CAMK2G: variants seen among roughly 807,000 people sequenced by gnomAD.
CAMK2G encodes the protein calcium/calmodulin-dependent protein kinase type II subunit gamma.
Under a neutral mutation model 88.7 loss-of-function variants are expected in CAMK2G, and 23 were observed. The ratio of observed to expected loss-of-function variants is 0.26; its 90% CI spans 0.19 to 0.37. CAMK2G has a LOEUF of 0.37. Among genes scored for constraint, CAMK2G ranks in the 10% least tolerant of loss-of-function variants. The pLI is 1.00. For synonymous variants in CAMK2G, 263 were observed against 294.8 expected, an observed-to-expected ratio of 0.89 and a Z score of 1.11; for missense variants, 476 against 780.8, an observed-to-expected ratio of 0.61 and a Z score of 4.65.
At chr10:73,845,399 G>A (rs1034066199) in intron 10 of CAMK2G, among the ~76,000 whole-genome samples, 7 of 151,932 alleles carry the variant, frequency 4.6e-5, no homozygotes, top group South Asian at 2.1e-4. Flanking sequence ...TGACTAACAC[G>A]GTGAAACCCC....
In CAMK2G at chr10:73,839,659, A is replaced by G; in HGVS notation, c.947-58T>C. The G allele has an allele frequency of 9.4e-7, 1 of 1,060,906 alleles. No homozygotes were observed. Among genetic ancestry groups the G allele is most frequent in the East Asian group, 3.3e-5 (1 of 30,754 alleles). 65.7% of individuals were successfully genotyped at this position (1,060,906 alleles called of 1,614,324 possible). On this transcript the variant is annotated intron_variant, in intron 12 of 22. Transcript: ENST00000423381. The surrounding 1 kb of genome is among the most constrained non-coding windows in gnomAD (Gnocchi z 4.2). ...CCCGCAAAGCCACGGGGCCGTCAGC[A>G]GCGAGCATGCCCCAGCGCGAGGCGC...
chr10:73,873,644 A>T, intron 1 of CAMK2G: 1 of 441,534 alleles, frequency 2.3e-6, no homozygotes, highest in African/African-American at 2.2e-5. Context: ...ACAGTCAGAC[A>T]TCAAGAACTC....
intron 15 of CAMK2G, among the ~76,000 whole-genome samples, chr10:73,825,762 C>T (rs1356654305): frequency 6.6e-6 from 1 of 152,248 alleles, no homozygotes; most frequent in Non-Finnish European, 1.5e-5. Flanking sequence ...CAGTCTCCTG[C>T]TGCACTTTCA....
chr10:73,874,471 C>A lies in CAMK2G; in HGVS notation c.-10G>T. 6.8e-7 allele frequency: 1 copy of A among 1,478,712 alleles called. No homozygotes were observed. The allele number at this position is 1,478,712 out of a possible 1,614,324, so 91.6% of individuals were successfully genotyped here. A position where few individuals can be genotyped will look rare whatever the true frequency, so the allele number is the denominator to read the frequency against. ...TGGCGGTGGTGGCCATGCTGGCGGGCGGGCGGACGCGGCGGTGCAGCCCGC... is the reference window on the plus strand; with the variant it reads ...TGGCGGTGGTGGCCATGCTGGCGGGAGGGCGGACGCGGCGGTGCAGCCCGC... On this transcript the variant is annotated 5_prime_UTR_variant, in exon 1 of 23. Coordinates refer to ENST00000423381, the MANE Select transcript of CAMK2G (RefSeq NM_001367534.1).
intron 17 of CAMK2G, among the ~76,000 whole-genome samples, chr10:73,823,795 A>G (rs2089985218): frequency 6.6e-6 from 1 of 152,168 alleles, no homozygotes; most frequent in Non-Finnish European, 1.5e-5. Flanking sequence ...ATCATCCCCA[A>G]TTTGCAGATA....
At chr10:73,864,308 A>C (rs1225846270) in intron 2 of CAMK2G, among the ~76,000 whole-genome samples, 2 of 152,172 alleles carry the variant, frequency 1.3e-5, no homozygotes, top group East Asian at 3.9e-4. Flanking sequence ...AAAAAAAAAG[A>C]AATATTTACT....
rs1202336929 is a variant in CAMK2G, at chr10:73,848,917, A to G, written c.517+96T>C. 13 of 842,934 alleles carry G rather than the reference A, an allele frequency of 1.5e-5. No individual in the cohort carries two copies. The highest frequency in any genetic ancestry group is 2.5e-5 in the Non-Finnish European group (12 of 479,174). 52.2% of individuals were successfully genotyped at this position (842,934 alleles called of 1,614,324 possible). ...AAGAGAGATCTCGGAGGCCAGGACC[A>G]TTAAGGGTCTGGCTTCTAGTTCTAA... On this transcript the variant is annotated intron_variant, in intron 7 of 22. Transcript: ENST00000423381. This position sits in a 1 kb window ranked among gnomAD's most constrained non-coding sequence, Gnocchi z 4.5.
chr10:73,836,025 A>C (rs2093171435), intron 14 of CAMK2G, among the ~76,000 whole-genome samples: 1 of 151,862 alleles, frequency 6.6e-6, no homozygotes, highest in Admixed American at 6.6e-5. Context: ...GTAGAGACGG[A>C]GTTTCACCAG....
chr10:73,855,944 CTT>C (rs567727436), intron 3 of CAMK2G, among the ~76,000 whole-genome samples: 1 of 147,208 alleles, frequency 6.8e-6, no homozygotes, highest in African/African-American at 2.5e-5. Flanking sequence ...TTCATTATTT[CTT>C]TTTTTTTTTA....
chr10:73,873,727 G>A (rs968375750), intron 1 of CAMK2G, among the ~76,000 whole-genome samples: 1 of 135,792 alleles, frequency 7.4e-6, no homozygotes, highest in African/African-American at 2.7e-5. Flanking sequence ...AAACGTCTGG[G>A]GGGGCGGGCG....
At chr10:73,868,422 C>T (rs1260440178) in intron 2 of CAMK2G, among the ~76,000 whole-genome samples, 2 of 152,170 alleles carry the variant, frequency 1.3e-5, no homozygotes, top group African/African-American at 4.8e-5. Context: ...CACAGCTCAA[C>T]GTGACCGCGT....
chr10:73,853,539 G>A (rs1166031571), intron 3 of CAMK2G, among the ~76,000 whole-genome samples: 3 of 152,234 alleles, frequency 2.0e-5, no homozygotes, highest in South Asian at 2.1e-4. Context: ...GCTGGTCTCC[G>A]AGAAGGTGGT....
At chr10:73,849,136 A>AC (rs1486179079) in intron 6 of CAMK2G, 21 bp from the exon 7 acceptor site, 2 of 1,604,934 alleles carry the variant, frequency 1.2e-6, no homozygotes, top group Admixed American at 1.7e-5. Flanking sequence ...AACACAGAGA[A>AC]CCTTGTGAGC....
chr10:73,829,617 A>G (rs1268076847), intron 14 of CAMK2G, among the ~76,000 whole-genome samples: 2 of 151,908 alleles, frequency 1.3e-5, no homozygotes, highest in Non-Finnish European at 2.9e-5. Context: ...GGCCTTTTAA[A>G]TATGCTCAAA....
At chr10:73,825,547 G>A (rs2090637198) in intron 15 of CAMK2G, among the ~76,000 whole-genome samples, 200 bp from the exon 16 acceptor site, 1 of 152,076 alleles carries the variant, frequency 6.6e-6, no homozygotes, top group African/African-American at 2.4e-5. Context: ...CTAGCTCTGG[G>A]GGCACCCTCA....
At position 73,837,521 on chromosome 10, in the gene CAMK2G, C is replaced by G. The variant is rs1304502773; in HGVS notation, c.1010-10G>C. 4.3e-6 allele frequency: 7 copies of G among 1,612,210 alleles called. No homozygotes were observed. Among genetic ancestry groups the G allele is most frequent in the African/African-American group, 1.3e-5 (1 of 74,992 alleles). ...AATAGGCTTTTGGCAGCTGTGAAAA[C>G]AAAGAGGAATATCAAGTCTCCTGCA... On this transcript the variant is annotated splice_polypyrimidine_tract_variant and intron_variant, in intron 13 of 22. Transcript: ENST00000423381.
chr10:73,854,085 C>A lies in CAMK2G; in HGVS notation c.221-839G>T, dbSNP rs565834719. 3.3e-5 allele frequency among the ~76,000 whole-genome samples: 5 copies of A among 152,290 alleles called. No homozygotes were observed. In the East Asian group the frequency reaches 9.7e-4, roughly 29 times the overall value. On this transcript the variant is annotated intron_variant, in intron 3 of 22. Coordinates refer to ENST00000423381, the MANE Select transcript of CAMK2G (RefSeq NM_001367534.1). Reference sequence around the variant, plus strand: ...GGGTCAAGATGTGAATCCAGTGCTACCTGACTCCAAAGACTGTGGTCTACA... The same window carrying A: ...GGGTCAAGATGTGAATCCAGTGCTAACTGACTCCAAAGACTGTGGTCTACA...
intron 2 of CAMK2G, among the ~76,000 whole-genome samples, chr10:73,861,399 A>C (rs546118758): frequency 4.5e-4 from 69 of 152,296 alleles, no homozygotes; most frequent in African/African-American, 1.6e-3. Context: ...TCTGTTGCCC[A>C]GGCTGGGGTG....
At chr10:73,868,379 G>C (rs901625993) in intron 2 of CAMK2G, among the ~76,000 whole-genome samples, 1 of 152,176 alleles carries the variant, frequency 6.6e-6, no homozygotes, top group African/African-American at 2.4e-5. Flanking sequence ...TGGGAGGGGA[G>C]GGGGACAGGC....
Sources: allele counts gnomAD v4.1 joint callset (sites outside exome capture counted in the v4.1 genomes callset), GRCh38; gene constraint gnomAD v4.1.1; non-coding constraint Gnocchi (gnomAD v3.1); transcripts MANE v1.5; gene names NCBI Gene and HGNC (gene_info 2026-07-23, HGNC 2026-07-21).